ENPP6: variants seen among roughly 807,000 people sequenced by gnomAD.
The protein encoded by ENPP6 is ectonucleotide pyrophosphatase/phosphodiesterase 6, also known as glycerophosphocholine cholinephosphodiesterase ENPP6.
ENPP6 carries 32 observed loss-of-function variants against 42.0 expected under a neutral mutation model. The observed-to-expected ratio is 0.76, with a 90% confidence interval of 0.58 to 1.02. ENPP6 has a LOEUF of 1.02. Among genes scored for constraint, ENPP6 ranks in the 50% least tolerant of loss-of-function variants. The pLI, the probability that ENPP6 is intolerant of heterozygous loss-of-function variation, is 0.00. For synonymous variants in ENPP6, 213 were observed against 216.0 expected (o/e 0.99, Z 0.12); for missense variants, 552 against 566.8 (o/e 0.97, Z 0.27).
intron 1 of ENPP6, among the ~76,000 whole-genome samples, chr4:184,181,780 A>T (rs1342391074): frequency 1.3e-5 from 2 of 152,222 alleles, no homozygotes; most frequent in Non-Finnish European, 2.9e-5. Context: ...GGTTTAATAA[A>T]TGGTGCTGGG....
intron 1 of ENPP6, chr4:184,204,174 C>T (rs1285349959): frequency 6.6e-6 from 1 of 152,210 alleles, no homozygotes; most frequent in Non-Finnish European, 1.5e-5. Flanking sequence ...CTAGTGACCT[C>T]ATTTTACCTT....
At chr4:184,168,247 G>C (rs1265200747) in intron 1 of ENPP6, among the ~76,000 whole-genome samples, 3 of 152,152 alleles carry the variant, frequency 2.0e-5, no homozygotes, top group Non-Finnish European at 4.4e-5. Context: ...GTTTCAGGTA[G>C]GGAAAGCTTT....
intron 1 of ENPP6, among the ~76,000 whole-genome samples, chr4:184,176,199 A>T (rs1346520512): frequency 6.6e-6 from 1 of 152,218 alleles, no homozygotes; most frequent in Non-Finnish European, 1.5e-5. Flanking sequence ...AGAGCTAGGA[A>T]TCCAACTTCA....
At chr4:184,124,811 G>A (rs927164938) in intron 2 of ENPP6, among the ~76,000 whole-genome samples, 5 of 152,088 alleles carry the variant, frequency 3.3e-5, no homozygotes, top group Non-Finnish European at 7.4e-5. Context: ...CAAGCAATGG[G>A]GTCTGAGCCG....
intron 6 of ENPP6, among the ~76,000 whole-genome samples, chr4:184,107,942 T>C (rs1422317767): frequency 2.0e-5 from 3 of 151,926 alleles, no homozygotes; most frequent in Non-Finnish European, 4.4e-5. Flanking sequence ...AAAATCTGTT[T>C]CTGTCTTTAT....
chr4:184,215,235 A>C (rs952793371), intron 1 of ENPP6, among the ~76,000 whole-genome samples: 6 of 152,214 alleles, frequency 3.9e-5, no homozygotes, highest in African/African-American at 1.4e-4. Flanking sequence ...CGGGTAATGA[A>C]GTGAGAGCTT....
At chr4:184,195,523 C>T (rs1232492949) in intron 1 of ENPP6, among the ~76,000 whole-genome samples, 1 of 152,166 alleles carries the variant, frequency 6.6e-6, no homozygotes, top group Non-Finnish European at 1.5e-5. Context: ...TAATCATCAC[C>T]ACGTCTGGCT....
At chr4:184,190,996 A>T (rs1368748245) in intron 1 of ENPP6, among the ~76,000 whole-genome samples, 1 of 152,262 alleles carries the variant, frequency 6.6e-6, no homozygotes, top group African/African-American at 2.4e-5. Flanking sequence ...GAGGTTGCTT[A>T]GTCTGAAGGA....
chr4:184,195,098 A>G (rs557204288), intron 1 of ENPP6, among the ~76,000 whole-genome samples: 1 of 152,202 alleles, frequency 6.6e-6, no homozygotes, highest in South Asian at 2.1e-4. Context: ...TCTAATTTCT[A>G]ATTTTTTATT....
At chr4:184,139,099 T>C (rs1736777663) in intron 2 of ENPP6, among the ~76,000 whole-genome samples, 1 of 152,352 alleles carries the variant, frequency 6.6e-6, no homozygotes, top group African/African-American at 2.4e-5. Flanking sequence ...GGATGGAGAC[T>C]GGACAGGTGC....
At chr4:184,133,167 AC>A (rs1560988260) in intron 2 of ENPP6, among the ~76,000 whole-genome samples, 1 of 148,684 alleles carries the variant, frequency 6.7e-6, no homozygotes, top group African/African-American at 2.4e-5. Context: ...CAATTCACAC[AC>A]ACACACACAC....
chr4:184,201,485 G>A (rs1316068595), intron 1 of ENPP6, among the ~76,000 whole-genome samples: 2 of 152,098 alleles, frequency 1.3e-5, no homozygotes, highest in African/African-American at 2.4e-5. Context: ...TTCTGGAAAC[G>A]CCTTTGCTGT....
In ENPP6 at chr4:184,091,168, T is replaced by C; in HGVS notation, c.*9A>G. On this transcript the variant is annotated 3_prime_UTR_variant, in exon 8 of 8. Coordinates refer to ENST00000296741, the MANE Select transcript of ENPP6 (RefSeq NM_153343.4). ...TGGTGTTTTTTTCTGAGACAAGCAA[T>C]ATGATCAGTTATGCAAGCAGGAAGA... 1 of 1,513,630 alleles carries C rather than the reference T, an allele frequency of 6.6e-7. No homozygotes were observed. The highest frequency in any genetic ancestry group is 1.3e-5 in the South Asian group (1 of 75,668). 93.8% of individuals were successfully genotyped at this position (1,513,630 alleles called of 1,614,324 possible).
At chr4:184,114,720 C>T (rs1308958892) in intron 5 of ENPP6, among the ~76,000 whole-genome samples, 2 of 148,214 alleles carry the variant, frequency 1.3e-5, no homozygotes, top group African/African-American at 2.5e-5. Context: ...GTTCTGGAGA[C>T]AGCACGTTCC....
intron 1 of ENPP6, among the ~76,000 whole-genome samples, chr4:184,188,621 C>A (rs573925942): frequency 6.6e-6 from 1 of 152,088 alleles, no homozygotes; most frequent in African/African-American, 2.4e-5. Context: ...TCAGAAGCCA[C>A]GTGGGGAGAC....
chr4:184,114,259 C>T (rs1736278064), intron 5 of ENPP6, among the ~76,000 whole-genome samples: 1 of 152,052 alleles, frequency 6.6e-6, no homozygotes, highest in South Asian at 2.1e-4. Context: ...AGCCATCGCG[C>T]CTGGCCCTGT....
At chr4:184,216,230 A>G (rs1488831879) in intron 1 of ENPP6, among the ~76,000 whole-genome samples, 1 of 152,240 alleles carries the variant, frequency 6.6e-6, no homozygotes, top group Non-Finnish European at 1.5e-5. Context: ...GCTTCCCTGC[A>G]AGGGGAGACA....
At chr4:184,208,512 A>G (rs574614531) in intron 1 of ENPP6, among the ~76,000 whole-genome samples, 373 of 152,280 alleles carry the variant, frequency 2.4e-3, no homozygotes, top group Admixed American at 4.1e-3. Flanking sequence ...ACTCCCACCC[A>G]AATACTGCGC....
chr4:184,154,152 CG>C (rs1437565064), intron 1 of ENPP6, among the ~76,000 whole-genome samples: 1 of 152,190 alleles, frequency 6.6e-6, no homozygotes, highest in Non-Finnish European at 1.5e-5. Flanking sequence ...GCTGTTATAG[CG>C]TTTATTCTTT....
Sources: allele counts gnomAD v4.1 joint callset (sites outside exome capture counted in the v4.1 genomes callset), GRCh38; gene constraint gnomAD v4.1.1; transcripts MANE v1.5; gene names NCBI Gene and HGNC (gene_info 2026-07-23, HGNC 2026-07-21).